The following COL15A1 variants were observed in gnomAD, a reference collection of about 807,000 sequenced individuals.
COL15A1 encodes collagen type XV alpha 1 chain, also known as collagen alpha-1(XV) chain.
A neutral mutation model predicts 165.9 loss-of-function variants in COL15A1; 111 were observed. The observed-to-expected ratio is 0.67, with a 90% CI of 0.57 to 0.78. COL15A1 has a LOEUF of 0.78. Among genes scored for constraint, COL15A1 ranks in the 30% least tolerant of loss-of-function variants. The pLI is 0.00. For synonymous variants in COL15A1, 659 were observed against 674.8 expected, an observed-to-expected ratio of 0.98 and a Z score of 0.36; for missense variants, 1,745 against 1,789.7, an observed-to-expected ratio of 0.98 and a Z score of 0.45.
chr9:98,989,795 G>A (rs1254823548), intron 5 of COL15A1, among the ~76,000 whole-genome samples: 1 of 152,196 alleles, frequency 6.6e-6, no homozygotes, highest in Non-Finnish European at 1.5e-5. Context: ...CCTCCAGGGA[G>A]CTCACTTCTG....
Position 99,024,923 on chromosome 9 carries a change from A to G in COL15A1, c.1904A>G (p.Lys635Arg). The G allele has an allele frequency of 6.2e-7, 1 of 1,613,958 alleles. No homozygotes were observed. The highest frequency in any genetic ancestry group is 2.2e-5 in the East Asian group (1 of 44,886). ...CCTGGCTTACCTGGGATTCCAGGAAAACCAGGAACTGATGTTTTCATGGGA... is the reference window on the plus strand; with the variant it reads ...CCTGGCTTACCTGGGATTCCAGGAAGACCAGGAACTGATGTTTTCATGGGA... ...GPPGLPGIPG[K>R]PGTDVFMGPP... is the part of the protein sequence containing the mutation. The change falls in exon 15 of 42, where the codon AAA becomes AGA. Residue 635 changes from lysine to arginine, a missense_variant. By Grantham distance (26) the Lys-to-Arg change is conservative. Transcript: ENST00000375001.
At chr9:99,037,364 C>G (rs1485599224) in intron 21 of COL15A1, among the ~76,000 whole-genome samples, 1 of 152,172 alleles carries the variant, frequency 6.6e-6, no homozygotes, top group African/African-American at 2.4e-5. Context: ...GATAAATACT[C>G]TGGCATAAGC....
intron 26 of COL15A1, among the ~76,000 whole-genome samples, chr9:99,045,414 A>C (rs533295576): frequency 3.3e-5 from 5 of 152,230 alleles, no homozygotes; most frequent in Non-Finnish European, 5.9e-5. Context: ...CCATCTGCAC[A>C]TTGAAGAGAC....
In COL15A1 at chr9:99,000,842, C is replaced by G. The variant is rs761375081; in HGVS notation, c.956C>G (p.Ser319Cys). The change falls in exon 7 of 42, where the codon TCT (serine) becomes TGT (cysteine). Residue 319 changes from serine to cysteine, a missense_variant. Physicochemically the swap from Ser to Cys is moderately radical, Grantham distance 112 (BLOSUM62 -1). Transcript: ENST00000375001. ...GCAGAATGCCTGCTTCCTGTAGGGT[C>G]TGGTGAGATCCTGAATGACACACTG... Reference protein sequence around the residue: ...IIQHSSPKQGSGEILNDTLEG... With the variant: ...IIQHSSPKQGCGEILNDTLEG... The G allele has an allele frequency of 6.6e-6, 10 of 1,511,850 alleles. No homozygotes were observed. In the South Asian group the frequency reaches 1.1e-4, roughly 17 times the overall value. 93.7% of individuals were successfully genotyped at this position (1,511,850 alleles called of 1,614,324 possible). A position where few individuals can be genotyped will look rare whatever the true frequency, so the allele number is the denominator to read the frequency against.
chr9:98,988,869 G>A (rs1227652310), intron 4 of COL15A1, among the ~76,000 whole-genome samples: 1 of 152,074 alleles, frequency 6.6e-6, no homozygotes, highest in Non-Finnish European at 1.5e-5. Context: ...TTTGCAGTGA[G>A]CTGAGATCGC....
intron 2 of COL15A1, among the ~76,000 whole-genome samples, chr9:98,975,483 T>C (rs1384698677): frequency 6.6e-6 from 1 of 152,188 alleles, no homozygotes; most frequent in Admixed American, 6.5e-5. Context: ...GCTCCTGTTC[T>C]TCATCTCTGG....
At chr9:98,975,263 G>T (rs926184389) in intron 2 of COL15A1, among the ~76,000 whole-genome samples, 1 of 152,240 alleles carries the variant, frequency 6.6e-6, no homozygotes, top group Non-Finnish European at 1.5e-5. Flanking sequence ...TCGTCTGTGA[G>T]AGGGAGCTTT....
At position 99,015,655 on chromosome 9, in the gene COL15A1, C is replaced by G. The variant is rs1010238783; in HGVS notation, c.1503+89C>G. ...CAGTCATCCTTGGCCTTGGCAGGGG[C>G]ACCTGTAGCTTGGTTATGAGCACAT... is the stretch of plus-strand genomic sequence containing the variant. On this transcript the variant is annotated intron_variant, in intron 10 of 41. Transcript: ENST00000375001. 72 of 1,285,644 alleles carry G rather than the reference C, an allele frequency of 5.6e-5. No homozygotes were observed. The Middle Eastern group carries it at 7.5e-4, about 13-fold the overall frequency. 79.6% of individuals were successfully genotyped at this position (1,285,644 alleles called of 1,614,324 possible). A position where few individuals can be genotyped will look rare whatever the true frequency, so the allele number is the denominator to read the frequency against.
At chr9:98,982,145 G>A (rs78911041) in intron 2 of COL15A1, among the ~76,000 whole-genome samples, 2,257 of 151,984 alleles carry the variant, frequency 0.015, 35 homozygotes, top group Non-Finnish European at 0.022. Context: ...GAGAGATAGG[G>A]TATTTCTTTG....
chr9:98,991,030 C>T (rs570137602), intron 5 of COL15A1, among the ~76,000 whole-genome samples: 4 of 152,220 alleles, frequency 2.6e-5, no homozygotes, highest in Non-Finnish European at 4.4e-5. Context: ...AGGGCAGTGC[C>T]TCTGGAGTTG....
intron 10 of COL15A1, 147 bp downstream of exon 10, chr9:99,015,713 A>C (rs940317976): frequency 1.2e-6 from 1 of 832,470 alleles, no homozygotes; most frequent in Non-Finnish European, 1.9e-6. Context: ...GGGAGGCAGG[A>C]CACAATGCTG....
At chr9:98,995,033 T>C (rs1838520167) in intron 5 of COL15A1, among the ~76,000 whole-genome samples, 1 of 152,080 alleles carries the variant, frequency 6.6e-6, no homozygotes, top group Non-Finnish European at 1.5e-5. Flanking sequence ...CATCCCAAAG[T>C]CCAAATGCCT....
At chr9:98,952,861 T>C (rs1837713909) in intron 2 of COL15A1, among the ~76,000 whole-genome samples, 1 of 152,278 alleles carries the variant, frequency 6.6e-6, no homozygotes, top group Non-Finnish European at 1.5e-5. Flanking sequence ...CTGGTATCTC[T>C]GTATTACTGA....
chr9:98,956,027 G>C (rs1186263117), intron 2 of COL15A1, among the ~76,000 whole-genome samples: 1 of 152,202 alleles, frequency 6.6e-6, no homozygotes, highest in Non-Finnish European at 1.5e-5. Flanking sequence ...GGGTATGGCT[G>C]GGGTATGGTG....
At chr9:99,050,857 C>T (rs1462883167) in intron 30 of COL15A1, among the ~76,000 whole-genome samples, 3 of 152,104 alleles carry the variant, frequency 2.0e-5, no homozygotes, top group Non-Finnish European at 4.4e-5. Context: ...GCAGTTTGGC[C>T]GCGTATTTGC....
At chr9:98,948,675 T>C (rs1564003147) in intron 2 of COL15A1, among the ~76,000 whole-genome samples, 1 of 150,824 alleles carries the variant, frequency 6.6e-6, no homozygotes, top group South Asian at 2.1e-4. Context: ...ATGGTCAGGG[T>C]TGAGCTGGAG....
At chr9:98,991,266 C>G (rs931730111) in intron 5 of COL15A1, among the ~76,000 whole-genome samples, 2 of 152,250 alleles carry the variant, frequency 1.3e-5, no homozygotes, top group Non-Finnish European at 2.9e-5. Context: ...CTGACCCCCC[C>G]CCACATCCTG....
intron 11 of COL15A1, among the ~76,000 whole-genome samples, chr9:99,018,632 T>C (rs998096723): frequency 6.6e-6 from 1 of 152,190 alleles, no homozygotes; most frequent in Non-Finnish European, 1.5e-5. Context: ...TAGCCAACAA[T>C]AGAAGATTAA....
chr9:98,998,230 C>CT (rs960987188), intron 6 of COL15A1, among the ~76,000 whole-genome samples: 18 of 152,116 alleles, frequency 1.2e-4, no homozygotes, highest in African/African-American at 3.4e-4. Flanking sequence ...ATGGTTTTTA[C>CT]TTTTTTTATT....
Sources: gnomAD v4.1 joint callset for allele counts (sites outside exome capture counted in the v4.1 genomes callset) on GRCh38, gnomAD v4.1.1 for gene constraint, MANE v1.5 for transcripts, NCBI Gene and HGNC (gene_info 2026-07-23, HGNC 2026-07-21) for gene names.